The following ALK variants were observed in gnomAD, a reference collection of about 807,000 sequenced individuals.
ALK encodes ALK receptor tyrosine kinase.
In ALK, 74 loss-of-function variants were observed where a neutral mutation model predicts 163.1. The ratio of observed to expected loss-of-function variants is 0.45; its 90% CI spans 0.38 to 0.55. The LOEUF is 0.55. ALK is among the 20% of genes least tolerant of loss of function. The pLI, the probability that ALK is intolerant of heterozygous loss-of-function variation, is 0.00. For missense variants in ALK, 2,063 were observed against 2,105.3 expected (o/e 0.98, Z 0.39); for synonymous variants, 960 against 843.2 (o/e 1.14, Z -2.40).
chr2:29,547,523 G>A (rs1673588413), intron 3 of ALK, among the ~76,000 whole-genome samples: 1 of 152,218 alleles, frequency 6.6e-6, no homozygotes, highest in African/African-American at 2.4e-5. Flanking sequence ...CTTGAACCAG[G>A]GAGGCGGAGG....
At position 29,523,891 on chromosome 2, in the gene ALK, T is replaced by A. The variant is rs10189622; in HGVS notation, c.1154+8024A>T. On this transcript the variant is annotated intron_variant, in intron 4 of 28. Coordinates refer to ENST00000389048, the MANE Select transcript of ALK (RefSeq NM_004304.5). ...TTTTTTTTTTTTTTTTTTTTTTTTT[T>A]ATGCCCATCAATGAAAGCAATCGTG... Among the ~76,000 whole-genome samples, 350 of 113,056 alleles carry A rather than the reference T, an allele frequency of 3.1e-3. 5 individuals carry two copies. Among genetic ancestry groups the A allele is most frequent in the African/African-American group, 0.011 (341 of 29,938 alleles). The allele number at this position is 113,056 out of a possible 152,430, so 74.2% of individuals were successfully genotyped here.
At chr2:29,785,013 C>A (rs1424293197) in intron 1 of ALK, among the ~76,000 whole-genome samples, 1 of 152,016 alleles carries the variant, frequency 6.6e-6, no homozygotes, top group East Asian at 1.9e-4. Flanking sequence ...CTGCCCTGAA[C>A]CACTGACAAG....
chr2:29,332,665 G>C (rs1458128411), intron 5 of ALK, among the ~76,000 whole-genome samples: 2 of 152,060 alleles, frequency 1.3e-5, no homozygotes, highest in Admixed American at 6.5e-5. Flanking sequence ...AAATAATTTA[G>C]GTTGTATCAC....
chr2:29,808,316 G>A (rs1429683747), intron 1 of ALK, among the ~76,000 whole-genome samples: 6 of 152,122 alleles, frequency 3.9e-5, no homozygotes. Context: ...TATGAAGGTG[G>A]AGAGAAGATG....
intron 5 of ALK, among the ~76,000 whole-genome samples, chr2:29,348,691 T>C (rs1344666168): frequency 6.6e-6 from 1 of 152,240 alleles, no homozygotes; most frequent in Admixed American, 6.5e-5. Context: ...ATCTTTATAA[T>C]AGTCCTGTGA....
chr2:29,422,708 G>A (rs1573340437), intron 4 of ALK, among the ~76,000 whole-genome samples: 2 of 152,100 alleles, frequency 1.3e-5, no homozygotes, highest in East Asian at 3.9e-4. Context: ...TCTCTTGCCA[G>A]CTGCTATTTC....
chr2:29,645,140 A>G (rs553946107), intron 3 of ALK, among the ~76,000 whole-genome samples: 1 of 152,220 alleles, frequency 6.6e-6, no homozygotes, highest in Non-Finnish European at 1.5e-5. Flanking sequence ...TATTTTTGCT[A>G]CCACCAGGTG....
At position 29,826,448 on chromosome 2, in the gene ALK, T is replaced by TAA. The variant is rs397959887; in HGVS notation, c.667+93543_667+93544dup. On this transcript the variant is annotated intron_variant, in intron 1 of 28. Coordinates refer to ENST00000389048, the MANE Select transcript of ALK (RefSeq NM_004304.5). Reference sequence around the variant, plus strand: ...CTACAGACAGCATCACCAGTTGATTTAAAAAAAAAAAAAAAAGACAATCTT... The same window carrying TAA: ...CTACAGACAGCATCACCAGTTGATTTAAAAAAAAAAAAAAAAAAGACAATCTT... Among the ~76,000 whole-genome samples the TAA allele has an allele frequency of 9.0e-4, 126 of 140,128 alleles. 1 individual carries two copies. The highest frequency in any genetic ancestry group is 2.9e-3 in the African/African-American group (111 of 38,130). The allele number at this position is 140,128 out of a possible 152,430, so 91.9% of individuals were successfully genotyped here.
intron 9 of ALK, among the ~76,000 whole-genome samples, chr2:29,287,958 T>C (rs1665903590): frequency 6.6e-6 from 1 of 152,012 alleles, no homozygotes; most frequent in Non-Finnish European, 1.5e-5. Flanking sequence ...TTACTTCAGG[T>C]AGTGTCACCC....
intron 1 of ALK, among the ~76,000 whole-genome samples, chr2:29,840,792 G>A (rs1477409927): frequency 6.6e-6 from 1 of 152,124 alleles, no homozygotes; most frequent in Admixed American, 6.5e-5. Context: ...TACTTCTATT[G>A]CATTATCTTA....
At chr2:29,652,678 T>C (rs1025223031) in intron 3 of ALK, among the ~76,000 whole-genome samples, 1 of 152,036 alleles carries the variant, frequency 6.6e-6, no homozygotes, top group African/African-American at 2.4e-5. Flanking sequence ...GTTAAGTTGA[T>C]CACCAATGGT....
chr2:29,905,504 T>C (rs1301319746), intron 1 of ALK, among the ~76,000 whole-genome samples: 2 of 148,640 alleles, frequency 1.3e-5, no homozygotes, highest in Non-Finnish European at 3.0e-5. Context: ...TCAAGATTAA[T>C]ACTATGAAAG....
chr2:29,854,893 CATTT>C (rs1666098857), intron 1 of ALK, among the ~76,000 whole-genome samples: 1 of 152,142 alleles, frequency 6.6e-6, no homozygotes, highest in Non-Finnish European at 1.5e-5. Flanking sequence ...TATACTAGCT[CATTT>C]ATTTATGTCT....
At chr2:29,677,810 T>C (rs1237158265) in intron 3 of ALK, among the ~76,000 whole-genome samples, 1 of 152,058 alleles carries the variant, frequency 6.6e-6, no homozygotes. Flanking sequence ...ATAGAATGAG[T>C]TGGGAAGTAT....
intron 9 of ALK, among the ~76,000 whole-genome samples, chr2:29,285,224 C>T (rs987954805): frequency 2.6e-5 from 4 of 151,834 alleles, no homozygotes; most frequent in African/African-American, 9.7e-5. Flanking sequence ...GCTTCCCGCC[C>T]TCCAGCCTAT....
At position 29,702,318 on chromosome 2, in the gene ALK, G is replaced by A. The variant is rs116413501; in HGVS notation, c.788-7304C>T. ...CACTTCATACTACAACAATGTACAAGCTCTACAAGTGAGGCAGGAAAGGAC... is the reference window on the plus strand; with the variant it reads ...CACTTCATACTACAACAATGTACAAACTCTACAAGTGAGGCAGGAAAGGAC... On this transcript the variant is annotated intron_variant, in intron 2 of 28. Transcript: ENST00000389048. Among the ~76,000 whole-genome samples, 904 of 152,256 alleles carry A rather than the reference G, an allele frequency of 5.9e-3. 8 individuals are homozygous for A. The highest frequency in any genetic ancestry group is 6.5e-3 in the Non-Finnish European group (439 of 68,010).
chr2:29,398,620 G>C (rs1180048258), intron 4 of ALK, among the ~76,000 whole-genome samples: 1 of 152,186 alleles, frequency 6.6e-6, no homozygotes, highest in Non-Finnish European at 1.5e-5. Flanking sequence ...TTTTGTGATA[G>C]GTCACAGAAG....
At chr2:29,225,431 T>C (rs751995619) in intron 19 of ALK, 30 bp downstream of exon 19, 163 of 1,578,050 alleles carry the variant, frequency 1.0e-4, no homozygotes, top group Non-Finnish European at 1.3e-4. Flanking sequence ...TCCTGCCCCC[T>C]TGGGAGTCCC....
rs370049091 is a variant in ALK, at chr2:29,225,494, C to G, written c.3139G>C (p.Ala1047Pro). The change falls in exon 19 of 29, where the codon GCC (alanine) becomes CCC (proline). Residue 1047 changes from alanine to proline, a missense_variant. Transcript: ENST00000389048. ...ATGCCGGAGAAAGCCAGGACCAGGG[C>G]GGCCACGAGGGCAGAGGTCACCACA... ...LSVVTSALVA[A>P]LVLAFSGIMI... 1 of 1,613,374 alleles carries G rather than the reference C, an allele frequency of 6.2e-7. No individual in the cohort carries two copies. Among genetic ancestry groups the G allele is most frequent in the Non-Finnish European group, 8.5e-7 (1 of 1,179,938 alleles).
Sources: allele counts gnomAD v4.1 joint callset (sites outside exome capture counted in the v4.1 genomes callset), GRCh38; gene constraint gnomAD v4.1.1; transcripts MANE v1.5; gene names NCBI Gene and HGNC (gene_info 2026-07-23, HGNC 2026-07-21).